Variants in HTR2C observed in about 807,000 individuals in gnomAD.
HTR2C encodes the protein 5-hydroxytryptamine receptor 2C.
In HTR2C, 5 loss-of-function variants were observed where a neutral mutation model predicts 21.0. That is an observed-to-expected ratio of 0.24 (90% CI 0.12 to 0.50). The LOEUF (loss-of-function observed/expected upper bound fraction) is 0.50. Among genes scored for constraint, HTR2C ranks in the 20% least tolerant of loss-of-function variants. The pLI, the probability that HTR2C is intolerant of heterozygous loss-of-function variation, is 0.98. For synonymous variants in HTR2C, 150 were observed against 145.3 expected (o/e 1.03, Z -0.23); for missense variants, 271 against 371.2 (o/e 0.73, Z 2.22).
intron 5 of HTR2C, among the ~76,000 whole-genome samples, chrX:114,860,047 C>A (rs1322178337): frequency 1.8e-5 from 2 of 111,425 alleles, no homozygotes; most frequent in Admixed American, 1.9e-4. Flanking sequence ...CATCATTTGA[C>A]TTTTATTGTC....
intron 2 of HTR2C, among the ~76,000 whole-genome samples, chrX:114,684,674 A>C (rs1192726827): frequency 9.0e-6 from 1 of 110,898 alleles, no homozygotes; most frequent in Non-Finnish European, 1.9e-5. Flanking sequence ...ATAAGTGCAA[A>C]AACTTTTTTG....
At chrX:114,903,124 T>A (rs1281369405) in intron 5 of HTR2C, among the ~76,000 whole-genome samples, 3 of 111,851 alleles carry the variant, frequency 2.7e-5, no homozygotes, top group Non-Finnish European at 5.6e-5. Flanking sequence ...CTTTGAGAAC[T>A]GCTGACACTT....
Position 114,729,261 on chromosome X carries a change from A to G in HTR2C, c.36-2033A>G, listed in dbSNP as rs189159100. Among the ~76,000 whole-genome samples, 410 of 112,234 alleles carry G rather than the reference A, an allele frequency of 3.7e-3. 2 individuals carry two copies. Among genetic ancestry groups the G allele is most frequent in the Middle Eastern group, 0.019 (4 of 214 alleles). ...AAACATAAAATGCTTTTGTTTAACT[A>G]CAAAGCAGACAGAAGGTACCTCCAG... On this transcript the variant is annotated intron_variant, in intron 3 of 5. Coordinates refer to ENST00000276198, the MANE Select transcript of HTR2C (RefSeq NM_000868.4).
intron 2 of HTR2C, among the ~76,000 whole-genome samples, chrX:114,720,189 GCT>G (rs1314721566): frequency 1.8e-5 from 2 of 110,060 alleles, no homozygotes; most frequent in Non-Finnish European, 3.8e-5. Context: ...GGGTGATATA[GCT>G]CTCTCTCTCT....
At chrX:114,649,207 A>T (rs1372595505) in intron 2 of HTR2C, among the ~76,000 whole-genome samples, 1 of 111,869 alleles carries the variant, frequency 8.9e-6, no homozygotes, top group Non-Finnish European at 1.9e-5. Context: ...ACTTGGGAGG[A>T]TTCTATATTT....
chrX:114,820,499 A>G (rs892412459), intron 4 of HTR2C, among the ~76,000 whole-genome samples: 1 of 110,607 alleles, frequency 9.0e-6, no homozygotes, highest in Non-Finnish European at 1.9e-5. Flanking sequence ...ACACAGCTTT[A>G]TATATACAGT....
At chrX:114,701,692 C>A (rs782460680) in intron 2 of HTR2C, among the ~76,000 whole-genome samples, 2 of 112,272 alleles carry the variant, frequency 1.8e-5, no homozygotes, top group Non-Finnish European at 3.8e-5. Flanking sequence ...TCACCAGCAA[C>A]GGAACAAAGC....
chrX:114,646,828 A>T (rs190225740), intron 2 of HTR2C, among the ~76,000 whole-genome samples: 32 of 112,018 alleles, frequency 2.9e-4, no homozygotes, highest in African/African-American at 1.0e-3. Flanking sequence ...CTTTAAGTTG[A>T]TTTTTGTATT....
chrX:114,741,054 T>C (rs2069640069), intron 4 of HTR2C, among the ~76,000 whole-genome samples: 1 of 111,639 alleles, frequency 9.0e-6, no homozygotes, highest in Admixed American at 9.5e-5. Flanking sequence ...GTTAGCTAGC[T>C]AGCTAGCTAG....
At chrX:114,857,537 G>A (rs911198112) in intron 5 of HTR2C, among the ~76,000 whole-genome samples, 1 of 110,871 alleles carries the variant, frequency 9.0e-6, no homozygotes. Flanking sequence ...TAAGCATTTC[G>A]ACGTCCTCTT....
intron 4 of HTR2C, among the ~76,000 whole-genome samples, chrX:114,736,953 C>T (rs2069595538): frequency 9.0e-6 from 1 of 111,007 alleles, no homozygotes; most frequent in East Asian, 2.8e-4. Flanking sequence ...ATAAACACTG[C>T]TTTATCAAAA....
At chrX:114,847,097 G>A (rs894776660) in intron 4 of HTR2C, among the ~76,000 whole-genome samples, 5 of 110,998 alleles carry the variant, frequency 4.5e-5, no homozygotes, top group African/African-American at 9.8e-5. Context: ...TACATGCTAC[G>A]AAATAGATAA....
At position 114,825,025 on chromosome X, in the gene HTR2C, G is replaced by A. The variant is rs1020581807; in HGVS notation, c.350-22978G>A. Among the ~76,000 whole-genome samples the A allele has an allele frequency of 3.6e-5, 4 of 111,493 alleles. No homozygotes were observed. The East Asian group carries it at 8.5e-4, about 24-fold the overall frequency. On this transcript the variant is annotated intron_variant, in intron 4 of 5. Transcript: ENST00000276198. ...TGGCTTCTACCTTTAATTCTTAGTC[G>A]ATCTGTTGAGAGGTTTATCAGTTTT...
Position 114,723,092 on chromosome X carries a change from A to G in HTR2C, c.-79-3766A>G, listed in dbSNP as rs1254692008. Among the ~76,000 whole-genome samples the G allele has an allele frequency of 4.5e-5, 5 of 111,175 alleles. No individual in the cohort carries two copies. In the East Asian group the frequency reaches 1.4e-3, roughly 32 times the overall value. The stretch of plus-strand genomic sequence containing the variant: ...TTGGAATAGTTTCAGAAGGAATGGT[A>G]CCAGTTCCTCCTTGTACCTCTGGTA... On this transcript the variant is annotated intron_variant, in intron 2 of 5. Transcript: ENST00000276198.
rs1341741973 is a variant in HTR2C, at chrX:114,627,610, A to G, written c.-80+13729A>G. On this transcript the variant is annotated intron_variant, in intron 2 of 5. Transcript: ENST00000276198. Reference sequence around the variant, plus strand: ...AATGAAGCCTGCATTTCAGCAGAAGATCCTTAAGGAAGTGCTCTTATCAAC... The same window carrying G: ...AATGAAGCCTGCATTTCAGCAGAAGGTCCTTAAGGAAGTGCTCTTATCAAC... 3.6e-5 allele frequency among the ~76,000 whole-genome samples: 4 copies of G among 111,662 alleles called. No homozygotes were observed. In the East Asian group the frequency reaches 1.1e-3, roughly 31 times the overall value.
At chrX:114,792,791 C>T (rs1281834116) in intron 4 of HTR2C, among the ~76,000 whole-genome samples, 1 of 111,736 alleles carries the variant, frequency 8.9e-6, no homozygotes, top group East Asian at 2.8e-4. Context: ...TGTTTCTTAA[C>T]TTTTTAATCA....
intron 5 of HTR2C, among the ~76,000 whole-genome samples, chrX:114,876,309 C>A (rs2071134247): frequency 9.2e-6 from 1 of 109,243 alleles, no homozygotes; most frequent in Admixed American, 9.9e-5. Flanking sequence ...ACAGTAGATA[C>A]TTTAGGGTTT....
intron 5 of HTR2C, among the ~76,000 whole-genome samples, chrX:114,865,692 G>A (rs997931258): frequency 3.6e-5 from 4 of 110,631 alleles, no homozygotes; most frequent in African/African-American, 6.6e-5. Flanking sequence ...AAAAGTGTCT[G>A]GTTGATTATT....
At chrX:114,711,227 A>G (rs978966250) in intron 2 of HTR2C, among the ~76,000 whole-genome samples, 2 of 111,726 alleles carry the variant, frequency 1.8e-5, no homozygotes, top group Non-Finnish European at 3.8e-5. Context: ...ATCTTTCATG[A>G]TACAATAACA....
Sources: gnomAD v4.1 joint callset for allele counts (sites outside exome capture counted in the v4.1 genomes callset) on GRCh38, gnomAD v4.1.1 for gene constraint, MANE v1.5 for transcripts, NCBI Gene and HGNC (gene_info 2026-07-23, HGNC 2026-07-21) for gene names.